The following MGAT4C variants were observed in gnomAD, a reference collection of about 807,000 sequenced individuals.
MGAT4C encodes the protein MGAT4 family member C.
Under a neutral mutation model 40.1 loss-of-function variants are expected in MGAT4C, and 19 were observed. The observed-to-expected ratio is 0.47, with a 90% CI of 0.33 to 0.70. The LOEUF (loss-of-function observed/expected upper bound fraction) is 0.70. Ranked by LOEUF, MGAT4C falls within the 30% of genes least tolerant of loss-of-function variation. MGAT4C has a pLI of 0.02. For synonymous variants in MGAT4C, 181 were observed against 187.1 expected, an observed-to-expected ratio of 0.97 and a Z score of 0.27; for missense variants, 491 against 563.2, an observed-to-expected ratio of 0.87 and a Z score of 1.30.
chr12:85,998,035 T>C (rs143170461), intron 2 of MGAT4C, among the ~76,000 whole-genome samples: 532 of 152,326 alleles, frequency 3.5e-3, no homozygotes, highest in Non-Finnish European at 6.0e-3. Context: ...ATCCAGGTGT[T>C]TCCATACATC....
At position 86,339,415 on chromosome 12, in the gene MGAT4C, G is replaced by A. The variant is rs189645751; in HGVS notation, c.-119-5288C>T. 2.6e-5 allele frequency among the ~76,000 whole-genome samples: 4 copies of A among 152,180 alleles called. No homozygotes were observed. The East Asian group carries it at 7.7e-4, about 29-fold the overall frequency. On this transcript the variant is annotated intron_variant, in intron 3 of 7. Transcript: ENST00000548651. ...GATGATATCAGAGTAGCTTCAATTA[G>A]GAAATGATATTTCAGATAGATTTTA...
chr12:86,645,514 A>T (rs1963517092), intron 2 of MGAT4C, among the ~76,000 whole-genome samples: 1 of 151,810 alleles, frequency 6.6e-6, no homozygotes, highest in Non-Finnish European at 1.5e-5. Flanking sequence ...AGGGAACAAT[A>T]TTTAGCAAGC....
At chr12:86,318,070 G>T (rs1954290667) in intron 4 of MGAT4C, among the ~76,000 whole-genome samples, 1 of 151,896 alleles carries the variant, frequency 6.6e-6, no homozygotes, top group Non-Finnish European at 1.5e-5. Context: ...TAATTTTGAT[G>T]AAAACCTCTC....
intron 2 of MGAT4C, among the ~76,000 whole-genome samples, chr12:86,459,569 C>T (rs1957562327): frequency 6.6e-6 from 1 of 151,972 alleles, no homozygotes; most frequent in Non-Finnish European, 1.5e-5. Context: ...TTCCAACAAC[C>T]AGTTATCTTA....
chr12:86,632,204 A>T (rs547121855), intron 2 of MGAT4C, among the ~76,000 whole-genome samples: 3 of 152,244 alleles, frequency 2.0e-5, no homozygotes, highest in African/African-American at 7.2e-5. Context: ...AATCACAATG[A>T]GATAGCATCT....
chr12:86,322,367 T>TA lies in MGAT4C; in HGVS notation c.-57+11697dup, dbSNP rs879696854. Among the ~76,000 whole-genome samples, 698 of 144,360 alleles carry TA rather than the reference T, an allele frequency of 4.8e-3. 3 individuals are homozygous for TA. Among genetic ancestry groups the TA allele is most frequent in the African/African-American group, 0.014 (569 of 39,560 alleles). 94.7% of individuals were successfully genotyped at this position (144,360 alleles called of 152,430 possible). A position where few individuals can be genotyped will look rare whatever the true frequency, so the allele number is the denominator to read the frequency against. On this transcript the variant is annotated intron_variant, in intron 4 of 7. Coordinates refer to the MGAT4C transcript ENST00000548651. ...TGCACATGTACCCTAGAACTTAAAG[T>TA]AAAAAAAAAAAATCAGAGAACTGCT...
chr12:86,044,415 T>G (rs1892187801), intron 2 of MGAT4C, among the ~76,000 whole-genome samples: 1 of 152,014 alleles, frequency 6.6e-6, no homozygotes, highest in Non-Finnish European at 1.5e-5. Flanking sequence ...GGGATGCTGG[T>G]GGGTTTGCGG....
chr12:86,583,676 C>G (rs935707891), intron 2 of MGAT4C, among the ~76,000 whole-genome samples: 3 of 151,102 alleles, frequency 2.0e-5, no homozygotes, highest in Admixed American at 1.3e-4. Flanking sequence ...CTTATTTAAG[C>G]AGTCTTCTGG....
chr12:85,963,348 GTT>G lies in MGAT4C; in HGVS notation c.*15939_*15940del, dbSNP rs1253578250. On this transcript the variant is annotated 3_prime_UTR_variant, in exon 5 of 5. Transcript: ENST00000611864. Reference sequence around the variant, plus strand: ...GAAATGTAACTAGCACATAGTCAGTGTTTCTTAACCATTTTGGGGTCCTGAAA... The same window carrying G: ...GAAATGTAACTAGCACATAGTCAGTGTCTTAACCATTTTGGGGTCCTGAAA... 6.6e-6 allele frequency: 1 copy of G among 151,888 alleles called. No homozygotes were observed. Among genetic ancestry groups the G allele is most frequent in the Admixed American group, 6.6e-5 (1 of 15,230 alleles). The allele number at this position is 151,888 out of a possible 1,614,324, so 9.4% of individuals were successfully genotyped here. A position where few individuals can be genotyped will look rare whatever the true frequency, so the allele number is the denominator to read the frequency against.
At chr12:86,542,955 T>G (rs781119888) in intron 2 of MGAT4C, among the ~76,000 whole-genome samples, 4 of 152,170 alleles carry the variant, frequency 2.6e-5, no homozygotes, top group Non-Finnish European at 4.4e-5. Context: ...TTTGTCTTTT[T>G]GGGGGATTTC....
chr12:86,133,922 A>C (rs1257207731), intron 1 of MGAT4C, among the ~76,000 whole-genome samples: 1 of 152,046 alleles, frequency 6.6e-6, no homozygotes, highest in Non-Finnish European at 1.5e-5. Context: ...TTTAGTTGCT[A>C]AATTTAGGTT....
At chr12:86,079,972 A>G (rs1206326160) in intron 1 of MGAT4C, among the ~76,000 whole-genome samples, 1 of 149,962 alleles carries the variant, frequency 6.7e-6, no homozygotes, top group Non-Finnish European at 1.5e-5. Context: ...CCTTCTTTCC[A>G]TTTTTCTTTT....
intron 1 of MGAT4C, among the ~76,000 whole-genome samples, chr12:86,243,444 C>A (rs1278746384): frequency 6.6e-6 from 1 of 152,192 alleles, no homozygotes. Flanking sequence ...GTGGGCAGAA[C>A]CTGTGACTTA....
chr12:86,656,170 A>G (rs1963845432), intron 2 of MGAT4C, among the ~76,000 whole-genome samples: 1 of 152,112 alleles, frequency 6.6e-6, no homozygotes, highest in South Asian at 2.1e-4. Context: ...TTAGTACCAT[A>G]GTAAAAAGTA....
At chr12:86,180,467 G>A (rs746201997) in intron 1 of MGAT4C, among the ~76,000 whole-genome samples, 5 of 152,134 alleles carry the variant, frequency 3.3e-5, no homozygotes, top group Admixed American at 2.0e-4. Context: ...CACCGTGCAC[G>A]TGGAAAAGCC....
intron 2 of MGAT4C, among the ~76,000 whole-genome samples, chr12:86,607,986 T>G (rs771579052): frequency 3.9e-5 from 6 of 152,086 alleles, no homozygotes; most frequent in Admixed American, 6.6e-5. Flanking sequence ...TCCTTCTCCC[T>G]CAGCCTTCCA....
chr12:86,756,022 A>C (rs1175499620), intron 1 of MGAT4C, among the ~76,000 whole-genome samples: 3 of 151,792 alleles, frequency 2.0e-5, no homozygotes, highest in Non-Finnish European at 4.4e-5. Context: ...TAATTTTTAA[A>C]GTTTTTTAAA....
chr12:86,434,519 TAGAG>T (rs1472428139), intron 3 of MGAT4C, among the ~76,000 whole-genome samples: 1 of 151,946 alleles, frequency 6.6e-6, no homozygotes, highest in African/African-American at 2.4e-5. Context: ...TTATAATAGG[TAGAG>T]ATTCTCATAC....
At chr12:86,329,877 T>C (rs560475179) in intron 4 of MGAT4C, among the ~76,000 whole-genome samples, 1 of 152,318 alleles carries the variant, frequency 6.6e-6, no homozygotes, top group African/African-American at 2.4e-5. Flanking sequence ...CATACATAGT[T>C]AACCCTCAAC....
Sources: allele counts gnomAD v4.1 joint callset (sites outside exome capture counted in the v4.1 genomes callset), GRCh38; gene constraint gnomAD v4.1.1; transcripts MANE v1.5; gene names NCBI Gene and HGNC (gene_info 2026-07-23, HGNC 2026-07-21).